Variants in VPS13C observed in about 807,000 individuals in gnomAD.
VPS13C encodes the protein vacuolar protein sorting 13 homolog C, also known as intermembrane lipid transfer protein VPS13C.
In VPS13C, 358 loss-of-function variants were observed where a neutral mutation model predicts 456.8. The observed-to-expected ratio is 0.78, with a 90% CI of 0.72 to 0.86. The LOEUF is 0.86. Ranked by LOEUF, VPS13C falls within the 40% of genes least tolerant of loss-of-function variation. The probability of loss-of-function intolerance (pLI) is 0.00; values close to 1 mark genes in which losing one functional copy is unlikely to be tolerated. For missense variants in VPS13C, 4,818 were observed against 4,385.4 expected (o/e 1.10, Z -2.79); for synonymous variants, 1,578 against 1,486.7 (o/e 1.06, Z -1.41).
At chr15:61,981,994 T>C (rs2045903135) in intron 21 of VPS13C, among the ~76,000 whole-genome samples, 1 of 152,234 alleles carries the variant, frequency 6.6e-6, no homozygotes, top group Admixed American at 6.5e-5. Context: ...TAAACAATCT[T>C]ATTATAGCAC....
chr15:62,012,444 T>TA (rs1567108847), intron 11 of VPS13C, among the ~76,000 whole-genome samples: 1 of 151,968 alleles, frequency 6.6e-6, no homozygotes, highest in Admixed American at 6.6e-5. Flanking sequence ...TGTATATCCA[T>TA]ACACTGCGAT....
At chr15:61,904,465 T>G (rs112171186) in intron 66 of VPS13C, among the ~76,000 whole-genome samples, 3 of 149,712 alleles carry the variant, frequency 2.0e-5, no homozygotes, top group Admixed American at 6.6e-5. Context: ...TCACCCCAGT[T>G]AGAGGCTTTA....
At chr15:61,919,503 T>C in intron 57 of VPS13C, 54 bp from the exon 58 acceptor site, 1 of 1,425,044 alleles carries the variant, frequency 7.0e-7, no homozygotes, top group Non-Finnish European at 9.2e-7. Context: ...CCAATGTTTC[T>C]CTATAACAAT....
At position 61,915,877 on chromosome 15, in the gene VPS13C, G is replaced by T; in HGVS notation, c.8201C>A (p.Pro2734Gln). ...NGHFRIRDTL[P>Q]EFFPVCFSSD... The stretch of plus-strand genomic sequence containing the variant: ...AGAAAAACACACAGGAAAGAATTCT[G>T]GTAGTGTATCACGTATGCGGAAATG... The change falls in exon 61 of 85, where the codon CCA becomes CAA. Residue 2734 changes from proline to glutamine, a missense_variant. This residue lies in a region of VPS13C where 4,552 missense variants were observed against 4,130.6 expected (regional missense o/e 1.10). Transcript: ENST00000644861. 1 of 1,613,906 alleles carries T rather than the reference G, an allele frequency of 6.2e-7. No homozygotes were observed. Among genetic ancestry groups the T allele is most frequent in the Admixed American group, 1.7e-5 (1 of 59,968 alleles).
At chr15:62,031,296 CCT>C (rs1193523065) in intron 5 of VPS13C, among the ~76,000 whole-genome samples, 7 of 151,904 alleles carry the variant, frequency 4.6e-5, no homozygotes, top group African/African-American at 1.7e-4. Flanking sequence ...CCTCTCCTTC[CCT>C]CTCTGAGTCC....
intron 66 of VPS13C, among the ~76,000 whole-genome samples, chr15:61,900,048 G>A (rs2042948954): frequency 6.6e-6 from 1 of 152,138 alleles, no homozygotes. Context: ...AAAGGCCTTT[G>A]ACAAAATTCA....
Position 61,985,851 on chromosome 15 carries a change from C to G in VPS13C, c.1579-852G>C, listed in dbSNP as rs191634317. Among the ~76,000 whole-genome samples the G allele has an allele frequency of 8.2e-4, 124 of 152,070 alleles. 1 individual carries two copies. Among genetic ancestry groups the G allele is most frequent in the Non-Finnish European group, 3.5e-4 (24 of 68,006 alleles). On this transcript the variant is annotated intron_variant, in intron 18 of 84. Transcript: ENST00000644861. Reference sequence around the variant, plus strand: ...TTCTCCTAGAGGTATTTGGAAATTTCAAAGGGGACAGCCTAGAGGCTGTGA... The same window carrying G: ...TTCTCCTAGAGGTATTTGGAAATTTGAAAGGGGACAGCCTAGAGGCTGTGA...
At chr15:62,020,257 A>G (rs1264772922) in intron 9 of VPS13C, among the ~76,000 whole-genome samples, 1 of 151,936 alleles carries the variant, frequency 6.6e-6, no homozygotes, top group Non-Finnish European at 1.5e-5. Context: ...ATCATTTGAT[A>G]ATGATATTTT....
intron 39 of VPS13C, 150 bp downstream of exon 39, chr15:61,951,674 G>T: frequency 1.4e-6 from 1 of 698,722 alleles, no homozygotes; most frequent in Non-Finnish European, 2.1e-6. Flanking sequence ...GGGTCCCCTA[G>T]AACTGTACCC....
rs1006076912 is a variant in VPS13C, at chr15:61,854,132, G to A, written c.*325C>T. The A allele has an allele frequency of 6.6e-6, 2 of 301,072 alleles. No homozygotes were observed. Among genetic ancestry groups the A allele is most frequent in the Non-Finnish European group, 1.2e-5 (2 of 160,950 alleles). 18.7% of individuals were successfully genotyped at this position (301,072 alleles called of 1,614,324 possible). On this transcript the variant is annotated 3_prime_UTR_variant, in exon 85 of 85. Transcript: ENST00000644861. ...AGCTCATTTCTTATTCTTCAGTAAG[G>A]CTTTAATTAAATATAAGCCTATTGA...
chr15:61,949,345 G>GTCAACATGCTAAATATTCATCT, intron 42 of VPS13C, 98 bp downstream of exon 42: 1 of 1,395,582 alleles, frequency 7.2e-7, no homozygotes, highest in African/African-American at 1.5e-5. Flanking sequence ...GAGCAGCAAT[G>GTCAACATGCTAAATATTCATCT]TCAACATGCT....
intron 65 of VPS13C, among the ~76,000 whole-genome samples, chr15:61,907,770 G>T (rs764731759): frequency 6.6e-6 from 1 of 152,086 alleles, no homozygotes; most frequent in African/African-American, 2.4e-5. Context: ...TTTAAAGACA[G>T]GGTCTCCCTG....
chr15:62,007,540 A>C, intron 14 of VPS13C, 61 bp from the exon 15 acceptor site: 1 of 1,381,232 alleles, frequency 7.2e-7, no homozygotes, highest in Non-Finnish European at 9.5e-7. Flanking sequence ...AAACAGGAAA[A>C]GTCTTGACAT....
At position 61,852,722 on chromosome 15, in the gene VPS13C, A is replaced by G. The variant is rs1031238872; in HGVS notation, c.*1735T>C. On this transcript the variant is annotated 3_prime_UTR_variant, in exon 85 of 85. Coordinates refer to ENST00000644861, the MANE Select transcript of VPS13C (RefSeq NM_020821.3). ...ATAAACTGCAATTAACCACTAATATAGAAATTCAATTTAAGCAAGAAGTTT... is the reference window on the plus strand; with the variant it reads ...ATAAACTGCAATTAACCACTAATATGGAAATTCAATTTAAGCAAGAAGTTT... 2.0e-5 allele frequency: 3 copies of G among 152,230 alleles called. No individual in the cohort carries two copies. Among genetic ancestry groups the G allele is most frequent in the Admixed American group, 2.0e-4 (3 of 15,288 alleles). The allele number at this position is 152,230 out of a possible 1,614,324, so 9.4% of individuals were successfully genotyped here. A position where few individuals can be genotyped will look rare whatever the true frequency, so the allele number is the denominator to read the frequency against.
intron 5 of VPS13C, 58 bp from the exon 6 acceptor site, chr15:62,028,478 T>A (rs1307626252): frequency 1.3e-6 from 2 of 1,505,402 alleles, no homozygotes; most frequent in South Asian, 1.1e-5. Flanking sequence ...ACACCTTTAA[T>A]TTCACATGTA....
At chr15:62,034,710 C>G (rs181471996) in intron 4 of VPS13C, among the ~76,000 whole-genome samples, 35 of 151,882 alleles carry the variant, frequency 2.3e-4, no homozygotes, top group Non-Finnish European at 1.9e-4. Context: ...AAAACAAGTA[C>G]TCTTAGAAAA....
At chr15:61,891,010 G>A (rs1161308698) in intron 66 of VPS13C, among the ~76,000 whole-genome samples, 5 of 152,110 alleles carry the variant, frequency 3.3e-5, no homozygotes, top group South Asian at 2.1e-4. Context: ...TAGCGTCATC[G>A]CACTCCAGCC....
At chr15:62,017,843 G>T (rs1325791988) in intron 9 of VPS13C, among the ~76,000 whole-genome samples, 1 of 152,100 alleles carries the variant, frequency 6.6e-6, no homozygotes, top group Non-Finnish European at 1.5e-5. Flanking sequence ...GTAGCTTGAT[G>T]GGGATGGCAC....
chr15:61,921,879 T>C (rs2043667929), intron 55 of VPS13C, 68 bp downstream of exon 55: 1 of 1,520,338 alleles, frequency 6.6e-7, no homozygotes, highest in Non-Finnish European at 9.1e-7. Context: ...TAAGAATCAC[T>C]GAAATAAAAA....
Sources: gnomAD v4.1 joint callset for allele counts (sites outside exome capture counted in the v4.1 genomes callset) on GRCh38, gnomAD v4.1.1 for gene constraint, gnomAD v4.1.1 regional missense constraint, MANE v1.5 for transcripts, NCBI Gene and HGNC (gene_info 2026-07-23, HGNC 2026-07-21) for gene names.